The following ARHGEF11 variants were observed in gnomAD, a reference collection of about 807,000 sequenced individuals.
ARHGEF11 encodes the protein Rho guanine exchange factor (GEF) 11.
A neutral mutation model predicts 193.7 loss-of-function variants in ARHGEF11; 55 were observed. The ratio of observed to expected loss-of-function variants is 0.28; its 90% CI spans 0.23 to 0.36. The LOEUF (loss-of-function observed/expected upper bound fraction) is 0.36, where lower values mean the gene tolerates loss of function less well. Ranked by LOEUF, ARHGEF11 falls within the 10% of genes least tolerant of loss-of-function variation. ARHGEF11 has a pLI of 1.00. For synonymous variants in ARHGEF11, 693 were observed against 768.0 expected (o/e 0.90, Z 1.62); for missense variants, 1,723 against 2,005.6 (o/e 0.86, Z 2.69).
chr1:156,967,525 T>C (rs1661844479), intron 11 of ARHGEF11, among the ~76,000 whole-genome samples: 2 of 151,948 alleles, frequency 1.3e-5, no homozygotes, highest in South Asian at 4.2e-4. Flanking sequence ...GAAGTGCCCT[T>C]GAGGGCAGGG....
Position 156,946,130 on chromosome 1 carries a change from C to T in ARHGEF11, c.2727G>A (p.Leu909=), listed in dbSNP as rs140191669. The T allele has an allele frequency of 2.9e-4, 469 of 1,613,288 alleles. 1 individual carries two copies. In the African/African-American group the frequency reaches 5.7e-3, roughly 19 times the overall value. Residue 909 remains leucine, a synonymous_variant, in exon 29 of 41, where the codon CTG becomes CTA. Transcript: ENST00000368194. ...CAGAGATGATGAGGTCTCTCAGCTG[C>T]AGCCGCCGACACTGAGGGTGGCTCT... The part of the protein sequence containing the change: ...EAESHPQCRR[L]QLRDLIISEM...
At chr1:156,968,971 G>C (rs1408400391) in intron 10 of ARHGEF11, among the ~76,000 whole-genome samples, 1 of 152,220 alleles carries the variant, frequency 6.6e-6, no homozygotes, top group Non-Finnish European at 1.5e-5. Flanking sequence ...CACTGTTTTA[G>C]ATTATTTCGT....
intron 5 of ARHGEF11, 79 bp downstream of exon 5, chr1:156,979,150 G>T: frequency 7.3e-7 from 1 of 1,371,768 alleles, no homozygotes; most frequent in Non-Finnish European, 1.0e-6. Context: ...GGAATGCCAG[G>T]CCTGACCTTT....
Position 156,961,834 on chromosome 1 carries a change from C to G in ARHGEF11, c.1141-59G>C, listed in dbSNP as rs138152886. The G allele has an allele frequency of 1.3e-4, 196 of 1,501,268 alleles. 1 individual carries two copies. The African/African-American group carries it at 2.3e-3, about 18-fold the overall frequency. 93.0% of individuals were successfully genotyped at this position (1,501,268 alleles called of 1,614,324 possible). A position where few individuals can be genotyped will look rare whatever the true frequency, so the allele number is the denominator to read the frequency against. On this transcript the variant is annotated intron_variant, in intron 13 of 40. Coordinates refer to ENST00000368194, the MANE Select transcript of ARHGEF11 (RefSeq NM_198236.3). ...TTCTCCCCCAGCAGTGATTTTGCCCCCTAGGGGACGTTTGGCCATGTCTGG... is the reference window on the plus strand; with the variant it reads ...TTCTCCCCCAGCAGTGATTTTGCCCGCTAGGGGACGTTTGGCCATGTCTGG...
chr1:156,983,536 T>C (rs1365729825), intron 3 of ARHGEF11, among the ~76,000 whole-genome samples: 2 of 152,222 alleles, frequency 1.3e-5, no homozygotes, highest in Non-Finnish European at 2.9e-5. Context: ...ATCGCCTTTT[T>C]GATTGTCTTC....
At chr1:156,962,576 C>G (rs562203351) in intron 13 of ARHGEF11, among the ~76,000 whole-genome samples, 4 of 152,052 alleles carry the variant, frequency 2.6e-5, no homozygotes, top group African/African-American at 9.7e-5. Flanking sequence ...TATCTACCTT[C>G]GTTTAAAAAA....
chr1:156,937,322 C>A lies in ARHGEF11; in HGVS notation c.4367G>T (p.Ser1456Ile). 6.2e-7 allele frequency: 1 copy of A among 1,613,898 alleles called. No individual in the cohort carries two copies. Among genetic ancestry groups the A allele is most frequent in the Non-Finnish European group, 8.5e-7 (1 of 1,179,900 alleles). Residue 1456 changes from serine (S) to isoleucine (I), a missense_variant, in exon 39 of 41, where the codon AGC (serine) becomes ATC (isoleucine). Around this residue, in one of 5 missense-constraint regions of ARHGEF11, gnomAD observed 360 missense variants for 344.4 expected, o/e 1.05. Coordinates refer to ENST00000368194, the MANE Select transcript of ARHGEF11 (RefSeq NM_198236.3). ...CATGCCCACGTCCCTGAGGGCCAGGCTTGGAGGAGAGCGGCTGGGGCGTCT... is the reference window on the plus strand; with the variant it reads ...CATGCCCACGTCCCTGAGGGCCAGGATTGGAGGAGAGCGGCTGGGGCGTCT... ...DPRRPSRSPP[S>I]LALRDVGMIF...
chr1:156,963,568 T>C lies in ARHGEF11; in HGVS notation c.990A>G (p.Leu330=). The change falls in exon 12 of 41, where the codon TTA becomes TTG. Residue 330 remains leucine, a synonymous_variant. Transcript: ENST00000368194. ...DQGVDQSPKP[L]IIGPEEDYDP... is the part of the protein sequence containing the mutation. ...CATAGTCTTCCTCTGGGCCAATAAT[T>C]AAAGGCTTTGGGCTTTGATCTACAC... The C allele has an allele frequency of 6.9e-7, 1 of 1,448,626 alleles. No individual in the cohort carries two copies. Among genetic ancestry groups the C allele is most frequent in the Non-Finnish European group, 9.1e-7 (1 of 1,095,092 alleles). 89.7% of individuals were successfully genotyped at this position (1,448,626 alleles called of 1,614,324 possible).
At chr1:157,030,830 C>T (rs138926898) in intron 1 of ARHGEF11, among the ~76,000 whole-genome samples, 1 of 152,136 alleles carries the variant, frequency 6.6e-6, no homozygotes, top group Non-Finnish European at 1.5e-5. Flanking sequence ...ATGGACAAGA[C>T]ACTTTGCCAA....
At chr1:156,995,949 C>T (rs1015750269) in intron 1 of ARHGEF11, among the ~76,000 whole-genome samples, 2 of 152,040 alleles carry the variant, frequency 1.3e-5, no homozygotes, top group Non-Finnish European at 2.9e-5. Context: ...AGTAGATATT[C>T]AATAAATATG....
intron 13 of ARHGEF11, 140 bp from the exon 14 acceptor site, chr1:156,961,915 G>A (rs1660918413): frequency 1.5e-6 from 1 of 682,932 alleles, no homozygotes; most frequent in African/African-American, 1.8e-5. Flanking sequence ...GGCATCTAGT[G>A]GGTACAGCCC....
At chr1:156,937,556 C>A (rs1055150529) in intron 38 of ARHGEF11, 60 bp from the exon 39 acceptor site, 1 of 1,489,496 alleles carries the variant, frequency 6.7e-7, no homozygotes, top group Non-Finnish European at 9.0e-7. Flanking sequence ...AGCTATCCTC[C>A]CGTTCCTGTG....
intron 1 of ARHGEF11, among the ~76,000 whole-genome samples, chr1:157,028,641 T>C (rs1268142083): frequency 6.6e-6 from 1 of 152,164 alleles, no homozygotes; most frequent in Non-Finnish European, 1.5e-5. Flanking sequence ...AGAGGTTAAA[T>C]GACTTAGCTT....
intron 1 of ARHGEF11, among the ~76,000 whole-genome samples, chr1:156,990,271 T>G (rs1447199168): frequency 6.6e-6 from 1 of 152,232 alleles, no homozygotes; most frequent in East Asian, 1.9e-4. Context: ...ACAGTTAGAT[T>G]CATGTTAAAC....
At position 156,955,792 on chromosome 1, in the gene ARHGEF11, T is replaced by C. The variant is rs776414724; in HGVS notation, c.1679A>G (p.Asn560Ser). The stretch of plus-strand genomic sequence containing the variant: ...CAAGGCATCCTTTTCTTTCTTGGAA[T>C]TGCTGCTCTGCTGAGACAGGAGACA... ...PFFPKTKKSS[N>S]SKKEKDALED... is the part of the protein sequence containing the mutation. Residue 560 changes from asparagine (N) to serine (S), a missense_variant, in exon 20 of 41, where the codon AAT (asparagine) becomes AGT (serine). Coordinates refer to ENST00000368194, the MANE Select transcript of ARHGEF11 (RefSeq NM_198236.3). The C allele has an allele frequency of 5.0e-6, 8 of 1,613,852 alleles. No homozygotes were observed. Among genetic ancestry groups the C allele is most frequent in the Non-Finnish European group, 5.9e-6 (7 of 1,179,800 alleles).
chr1:156,977,346 T>C (rs1207332157), intron 6 of ARHGEF11, among the ~76,000 whole-genome samples: 2 of 152,216 alleles, frequency 1.3e-5, no homozygotes, highest in Non-Finnish European at 2.9e-5. Context: ...CTTGTCTGCA[T>C]CTTGTCCTCT....
Position 157,044,578 on chromosome 1 carries a change from GA to G in ARHGEF11, c.-249del, listed in dbSNP as rs1160725463. ...AAAAAAAAGAAAAGAAAAGAAAAAA[GA>G]AAAAAAAAGGAAAAGAGGAAAAACT... On this transcript the variant is annotated 5_prime_UTR_variant, in exon 1 of 41. Transcript: ENST00000368194. The G allele has an allele frequency of 5.9e-5, 25 of 420,430 alleles. No individual in the cohort carries two copies. Among genetic ancestry groups the G allele is most frequent in the Admixed American group, 8.2e-5 (2 of 24,248 alleles). 26.0% of individuals were successfully genotyped at this position (420,430 alleles called of 1,614,324 possible).
intron 36 of ARHGEF11, 95 bp downstream of exon 36, chr1:156,940,112 G>A: frequency 1.4e-6 from 2 of 1,441,556 alleles, no homozygotes; most frequent in East Asian, 2.3e-5. Flanking sequence ...ACCAGGAAGA[G>A]CCTTCGGGAA....
chr1:156,939,460 A>C (rs1571135108), intron 37 of ARHGEF11, 88 bp downstream of exon 37: 1 of 1,563,648 alleles, frequency 6.4e-7, no homozygotes, highest in East Asian at 2.2e-5. Flanking sequence ...ACCCAGGGGG[A>C]GTATAGGGAA....
Sources: allele counts gnomAD v4.1 joint callset (sites outside exome capture counted in the v4.1 genomes callset), GRCh38; gene constraint gnomAD v4.1.1; regional missense constraint gnomAD v4.1.1; transcripts MANE v1.5; gene names NCBI Gene and HGNC (gene_info 2026-07-23, HGNC 2026-07-21).